Variants in GLDC observed in about 807,000 individuals in gnomAD.
GLDC encodes the protein glycine decarboxylase.
GLDC carries 104 observed loss-of-function variants against 121.3 expected under a neutral mutation model. The ratio of observed to expected loss-of-function variants is 0.86; its 90% confidence interval spans 0.73 to 1.01. The LOEUF (loss-of-function observed/expected upper bound fraction) is 1.01, where lower values mean the gene tolerates loss of function less well. Ranked by LOEUF, GLDC falls within the 50% of genes least tolerant of loss-of-function variation. The probability of loss-of-function intolerance (pLI) is 0.00; values close to 1 mark genes in which losing one functional copy is unlikely to be tolerated. For missense variants in GLDC, 1,429 were observed against 1,306.6 expected (o/e 1.09, Z -1.44); for synonymous variants, 546 against 480.6 (o/e 1.14, Z -1.78).
rs1421800551 is a variant in GLDC at position 6,550,787 on chromosome 9, T to G, written c.2569+16A>C. ...GAAAAAAACCAAAGTAATGATAGAT[T>G]AAAGTTGATACTTGCCTCTTGCACC... On this transcript the variant is annotated intron_variant, in intron 21 of 24. Coordinates refer to ENST00000321612, the MANE Select transcript of GLDC (RefSeq NM_000170.3). The G allele has an allele frequency of 1.4e-5, 21 of 1,538,646 alleles. No homozygotes were observed. The highest frequency in any genetic ancestry group is 1.9e-5 in the Non-Finnish European group (21 of 1,111,270).
intron 23 of GLDC, 47 bp from the exon 24 acceptor site, chr9:6,534,835 C>G: frequency 1.0e-6 from 1 of 981,478 alleles, no homozygotes. Context: ...AATACACTCT[C>G]TTCTCCTCCT....
chr9:6,609,497 C>G (rs547776538), intron 4 of GLDC, among the ~76,000 whole-genome samples: 20 of 152,190 alleles, frequency 1.3e-4, no homozygotes, highest in African/African-American at 4.8e-4. Context: ...ACCCTCATGC[C>G]TTTACACTCA....
chr9:6,564,085 T>C (rs1023449658), intron 16 of GLDC, among the ~76,000 whole-genome samples: 2 of 151,976 alleles, frequency 1.3e-5, no homozygotes, highest in African/African-American at 4.8e-5. Context: ...CTGTTTCTAC[T>C]AAAAATACAA....
chr9:6,642,466 G>A (rs774335220), intron 2 of GLDC, among the ~76,000 whole-genome samples: 1 of 152,168 alleles, frequency 6.6e-6, no homozygotes, highest in Non-Finnish European at 1.5e-5. Flanking sequence ...GGGAGGCAGA[G>A]GTTGTAGTGA....
chr9:6,591,428 G>A (rs564946077), intron 11 of GLDC, among the ~76,000 whole-genome samples: 1 of 152,264 alleles, frequency 6.6e-6, no homozygotes, highest in African/African-American at 2.4e-5. Flanking sequence ...AGGACAAGAA[G>A]CATGTCTAAT....
intron 11 of GLDC, among the ~76,000 whole-genome samples, chr9:6,591,319 C>T (rs1048889981): frequency 6.6e-6 from 1 of 152,176 alleles, no homozygotes; most frequent in African/African-American, 2.4e-5. Context: ...TGGTAAGGAG[C>T]TCATCCTGTG....
chr9:6,575,820 A>G (rs2129793767), intron 15 of GLDC, among the ~76,000 whole-genome samples: 3 of 152,362 alleles, frequency 2.0e-5, no homozygotes, highest in Admixed American at 2.0e-4. Context: ...CCTAGAATGT[A>G]CTTATGAGCT....
rs763517274 is a variant in GLDC at position 6,565,391 on chromosome 9, C to T, written c.1889G>A (p.Arg630Gln). 13 of 1,613,892 alleles carry T rather than the reference C, an allele frequency of 8.1e-6. No homozygotes were observed. The highest frequency in any genetic ancestry group is 3.3e-5 in the Admixed American group (2 of 60,012). The change falls in exon 16 of 25, where the codon CGA (arginine) becomes CAA (glutamine). Residue 630 changes from arginine to glutamine, a missense_variant. By Grantham distance (43) the Arg-to-Gln change is conservative. Coordinates refer to ENST00000321612, the MANE Select transcript of GLDC (RefSeq NM_000170.3). ...CTCTCCTTTCTGGTTTAAGTAGGCT[C>T]GGATAGTGGCCAGTCCAGCATATTC... ...QGEYAGLATI[R>Q]AYLNQKGEGH...
chr9:6,595,245 C>T, intron 8 of GLDC, 126 bp from the exon 9 acceptor site: 7 of 766,714 alleles, frequency 9.1e-6, no homozygotes, highest in South Asian at 2.8e-5. Context: ...TTCCTACATT[C>T]TTTGATAGTT....
chr9:6,594,467 G>A (rs1045200664), intron 9 of GLDC, among the ~76,000 whole-genome samples: 37 of 152,030 alleles, frequency 2.4e-4, no homozygotes, highest in African/African-American at 8.9e-4. Flanking sequence ...AGGCCAAAGT[G>A]GACGGATTTC....
chr9:6,588,381 T>TA lies in GLDC; in HGVS notation c.1707+19dup. On this transcript the variant is annotated intron_variant, in intron 14 of 24. Coordinates refer to ENST00000321612, the MANE Select transcript of GLDC (RefSeq NM_000170.3). The stretch of plus-strand genomic sequence containing the variant: ...CACTGCCCCTTGCTGAGTATCCACT[T>TA]ACAGAAGTGAGCTACTTACTGCGAG... 1 of 1,589,022 alleles carries TA rather than the reference T, an allele frequency of 6.3e-7. No homozygotes were observed. Among genetic ancestry groups the TA allele is most frequent in the Non-Finnish European group, 8.6e-7 (1 of 1,157,100 alleles).
chr9:6,583,011 G>C (rs750222590), intron 15 of GLDC, among the ~76,000 whole-genome samples: 4 of 152,102 alleles, frequency 2.6e-5, no homozygotes, highest in Non-Finnish European at 5.9e-5. Context: ...ACCACAGTGA[G>C]ATACCACTTC....
intron 2 of GLDC, among the ~76,000 whole-genome samples, chr9:6,637,217 C>T (rs959323494): frequency 1.3e-4 from 20 of 151,932 alleles, no homozygotes. Flanking sequence ...CCAGCCTGGC[C>T]AACATGGTGA....
At chr9:6,571,884 C>T (rs1817976434) in intron 15 of GLDC, among the ~76,000 whole-genome samples, 1 of 152,056 alleles carries the variant, frequency 6.6e-6, no homozygotes, top group Admixed American at 6.6e-5. Context: ...AATATAGAAT[C>T]CAGAAATAGA....
chr9:6,558,827 G>C (rs1484046714), intron 16 of GLDC, 143 bp from the exon 17 acceptor site: 1 of 894,220 alleles, frequency 1.1e-6, no homozygotes, highest in South Asian at 1.4e-5. Flanking sequence ...TTTAAAATCT[G>C]CTACAATTTA....
intron 19 of GLDC, 53 bp from the exon 20 acceptor site, chr9:6,553,562 T>G: frequency 1.3e-6 from 2 of 1,576,950 alleles, no homozygotes; most frequent in Non-Finnish European, 1.7e-6. Flanking sequence ...CAGTTTAATC[T>G]AATGGGAAGG....
chr9:6,613,557 A>C (rs1004548232), intron 3 of GLDC, among the ~76,000 whole-genome samples: 7 of 152,332 alleles, frequency 4.6e-5, no homozygotes, highest in African/African-American at 1.4e-4. Context: ...CTATTCAAAA[A>C]CATGATTTTA....
intron 2 of GLDC, among the ~76,000 whole-genome samples, chr9:6,641,662 A>G (rs1011494296): frequency 5.3e-5 from 8 of 152,218 alleles, no homozygotes; most frequent in Non-Finnish European, 8.8e-5. Flanking sequence ...ATAGGGTTGT[A>G]ATATACATTA....
intron 2 of GLDC, among the ~76,000 whole-genome samples, chr9:6,644,264 C>G (rs1819692236): frequency 6.6e-6 from 1 of 151,840 alleles, no homozygotes; most frequent in South Asian, 2.1e-4. Context: ...CTATCCGGGT[C>G]TGCGCAGGTA....
Sources: allele counts gnomAD v4.1 joint callset (sites outside exome capture counted in the v4.1 genomes callset), GRCh38; gene constraint gnomAD v4.1.1; transcripts MANE v1.5; gene names NCBI Gene and HGNC (gene_info 2026-07-23, HGNC 2026-07-21).